The following VPS53 variants were observed in gnomAD, a reference collection of about 807,000 sequenced individuals.
VPS53 encodes the protein VPS53 subunit of GARP complex.
A neutral mutation model predicts 107.0 loss-of-function variants in VPS53; 70 were observed. The observed-to-expected ratio is 0.65, with a 90% CI of 0.54 to 0.80. The LOEUF (loss-of-function observed/expected upper bound fraction) is 0.80, where lower values mean the gene tolerates loss of function less well. Ranked by LOEUF, VPS53 falls within the 30% of genes least tolerant of loss-of-function variation. VPS53 has a pLI of 0.00. For missense variants in VPS53, 917 were observed against 1,049.4 expected (o/e 0.87, Z 1.74); for synonymous variants, 409 against 393.3 (o/e 1.04, Z -0.47).
chr17:623,492 C>A, intron 11 of VPS53, 41 bp downstream of exon 11: 1 of 1,585,496 alleles, frequency 6.3e-7, no homozygotes, highest in Non-Finnish European at 8.6e-7. Flanking sequence ...AACCACCCAA[C>A]CCACTGATTT....
At chr17:580,109 G>T (rs375775) in intron 13 of VPS53, among the ~76,000 whole-genome samples, 50,259 of 146,102 alleles carry the variant, frequency 0.34, 10,023 homozygotes, top group African/African-American at 0.58. Context: ...AACCTAATGC[G>T]TTCCCAGAGA....
At chr17:695,535 C>A (rs1456703406) in intron 4 of VPS53, among the ~76,000 whole-genome samples, 4 of 151,954 alleles carry the variant, frequency 2.6e-5, no homozygotes, top group Non-Finnish European at 5.9e-5. Flanking sequence ...ATTTTGAATG[C>A]CAAGCAAAGG....
At chr17:699,479 CA>C in intron 2 of VPS53, 99 bp from the exon 3 acceptor site, 2 of 935,940 alleles carry the variant, frequency 2.1e-6, no homozygotes, top group Non-Finnish European at 3.0e-6. Flanking sequence ...TATGAAATCT[CA>C]AAAAATTTAA....
intron 4 of VPS53, among the ~76,000 whole-genome samples, chr17:686,871 A>T (rs1172408462): frequency 6.6e-6 from 1 of 152,158 alleles, no homozygotes; most frequent in Non-Finnish European, 1.5e-5. Context: ...TCTAGGCCAG[A>T]TGTGGTGGCT....
intron 12 of VPS53, among the ~76,000 whole-genome samples, chr17:596,268 G>A (rs1407028890): frequency 2.0e-5 from 3 of 152,184 alleles, no homozygotes; most frequent in Non-Finnish European, 2.9e-5. Flanking sequence ...AACTATGTTG[G>A]AGTAAGTGTG....
At chr17:627,503 C>T (rs531662656) in intron 9 of VPS53, among the ~76,000 whole-genome samples, 187 bp from the exon 10 acceptor site, 8 of 152,094 alleles carry the variant, frequency 5.3e-5, no homozygotes, top group Non-Finnish European at 1.0e-4. Flanking sequence ...TTTGGCTGGG[C>T]GCAGTGGCTC....
In VPS53 at chr17:553,452, T is replaced by A; in HGVS notation, c.1715A>T (p.Lys572Ile). ...CLATTQQLEE[K>I]LKEKVDVSLI... ...ACTTACATCCACTTTTTCTTTGAGTTTTTCTTCTAGCTGTTGAAAAACAGA... is the reference window on the plus strand; with the variant it reads ...ACTTACATCCACTTTTTCTTTGAGTATTTCTTCTAGCTGTTGAAAAACAGA... The change falls in exon 16 of 22, where the codon AAA becomes ATA. Residue 572 changes from lysine to isoleucine, a missense_variant. Physicochemically the swap from Lys to Ile is moderately radical, Grantham distance 102. Transcript: ENST00000437048. The A allele has an allele frequency of 1.2e-6, 2 of 1,613,886 alleles. No individual in the cohort carries two copies. Among genetic ancestry groups the A allele is most frequent in the Non-Finnish European group, 1.7e-6 (2 of 1,179,950 alleles).
intron 11 of VPS53, among the ~76,000 whole-genome samples, chr17:605,464 A>T (rs1329999118): frequency 7.1e-6 from 1 of 140,590 alleles, no homozygotes; most frequent in Non-Finnish European, 1.5e-5. Context: ...AGAAAGGAAG[A>T]TGGGGGCCTG....
At chr17:573,382 G>C (rs1225114729) in intron 13 of VPS53, among the ~76,000 whole-genome samples, 1 of 152,234 alleles carries the variant, frequency 6.6e-6, no homozygotes, top group Non-Finnish European at 1.5e-5. Context: ...CCCACTTCCT[G>C]CCTCCTCCCT....
intron 4 of VPS53, among the ~76,000 whole-genome samples, chr17:663,042 CAA>C (rs954361632): frequency 6.9e-6 from 1 of 145,624 alleles, no homozygotes; most frequent in Non-Finnish European, 1.5e-5. Context: ...TCGGTCTCTG[CAA>C]AAAAAAAAGT....
intron 7 of VPS53, among the ~76,000 whole-genome samples, chr17:642,305 C>A (rs1353789220): frequency 6.6e-6 from 1 of 152,122 alleles, no homozygotes; most frequent in Non-Finnish European, 1.5e-5. Context: ...CAACCGAGGA[C>A]AACACTCATA....
In VPS53 at chr17:513,437, T is replaced by C. The variant is rs1277616581; in HGVS notation, c.*5691A>G. 6.6e-6 allele frequency: 1 copy of C among 152,232 alleles called. No homozygotes were observed. The highest frequency in any genetic ancestry group is 1.5e-5 in the Non-Finnish European group (1 of 68,032). 9.4% of individuals were successfully genotyped at this position (152,232 alleles called of 1,614,324 possible). A position where few individuals can be genotyped will look rare whatever the true frequency, so the allele number is the denominator to read the frequency against. On this transcript the variant is annotated 3_prime_UTR_variant, in exon 22 of 22. Transcript: ENST00000437048. ...GGACTGGGAATTTTTATTTAATATATAAAATGTCATCGTACCCTTCATGTA... is the reference window on the plus strand; with the variant it reads ...GGACTGGGAATTTTTATTTAATATACAAAATGTCATCGTACCCTTCATGTA...
At chr17:709,122 C>T (rs1567756371) in intron 2 of VPS53, among the ~76,000 whole-genome samples, 2 of 152,110 alleles carry the variant, frequency 1.3e-5, no homozygotes, top group Non-Finnish European at 2.9e-5. Context: ...CGTTAAGCCC[C>T]TTTATTTAAA....
intron 12 of VPS53, among the ~76,000 whole-genome samples, chr17:589,232 C>A (rs1312303638): frequency 6.6e-6 from 1 of 151,220 alleles, no homozygotes; most frequent in East Asian, 1.9e-4. Flanking sequence ...AAATTTTGAA[C>A]ATGTATATTT....
intron 7 of VPS53, 118 bp from the exon 8 acceptor site, chr17:631,746 C>T (rs531321390): frequency 5.4e-5 from 45 of 832,910 alleles, no homozygotes; most frequent in South Asian, 4.0e-4. Context: ...GGTACAGAGA[C>T]GTCCATGAGG....
chr17:567,226 C>T (rs1913609455), intron 13 of VPS53, among the ~76,000 whole-genome samples: 1 of 152,212 alleles, frequency 6.6e-6, no homozygotes, highest in South Asian at 2.1e-4. Context: ...AAAATGTTCA[C>T]TTCAAAAAGC....
At chr17:644,328 T>C (rs1444683965) in intron 7 of VPS53, among the ~76,000 whole-genome samples, 1 of 152,168 alleles carries the variant, frequency 6.6e-6, no homozygotes. Context: ...GACAGTAAAT[T>C]TGAGAAACGG....
intron 15 of VPS53, among the ~76,000 whole-genome samples, chr17:556,995 G>A (rs1283873887): frequency 6.7e-6 from 1 of 150,140 alleles, no homozygotes; most frequent in Non-Finnish European, 1.5e-5. Flanking sequence ...ACTGCCAAGT[G>A]AGAAGCCACC....
At chr17:594,457 GC>G (rs1022423258) in intron 12 of VPS53, among the ~76,000 whole-genome samples, 8 of 149,630 alleles carry the variant, frequency 5.3e-5, no homozygotes, top group East Asian at 2.0e-4. Flanking sequence ...GCACTCTAGT[GC>G]CCCCCCTGGA....
Sources: allele counts gnomAD v4.1 joint callset (sites outside exome capture counted in the v4.1 genomes callset), GRCh38; gene constraint gnomAD v4.1.1; transcripts MANE v1.5; gene names NCBI Gene and HGNC (gene_info 2026-07-23, HGNC 2026-07-21).